The following ZNF329 variants were observed in gnomAD, a reference collection of about 807,000 sequenced individuals.
The protein encoded by ZNF329 is zinc finger protein 329.
Under a neutral mutation model 26.6 loss-of-function variants are expected in ZNF329, and 15 were observed. That is an observed-to-expected ratio of 0.56 (90% CI 0.38 to 0.87). The LOEUF (loss-of-function observed/expected upper bound fraction) is 0.87, where lower values mean the gene tolerates loss of function less well. Among genes scored for constraint, ZNF329 ranks in the 40% least tolerant of loss-of-function variants. The probability of loss-of-function intolerance (pLI) is 0.00; values close to 1 mark genes in which losing one functional copy is unlikely to be tolerated. For synonymous variants in ZNF329, 239 were observed against 233.5 expected (o/e 1.02, Z -0.21); for missense variants, 651 against 651.9 (o/e 1.00, Z 0.02).
chr19:58,152,339 G>C (rs1429736162), upstream of ZNF329, among the ~76,000 whole-genome samples: 1 of 151,472 alleles, frequency 6.6e-6, no homozygotes, highest in Non-Finnish European at 1.5e-5. Context: ...AGATGAGCCT[G>C]GCCAACATGG....
Position 58,128,885 on chromosome 19 carries a change from C to G in ZNF329, c.619G>C (p.Glu207Gln), listed in dbSNP as rs1397209868. The part of the protein sequence containing the change: ...LPGEKQYRCT[E>Q]CGKCFKRNSS... ...TTCCGTTTGAAGCATTTGCCACATT[C>G]AGTACATCTATATTGTTTCTCTCCA... The change falls in exon 4 of 4, where the codon GAA becomes CAA. Residue 207 changes from glutamate to glutamine, a missense_variant. By Grantham distance (29) the Glu-to-Gln change is conservative (BLOSUM62 2). Transcript: ENST00000598312. 6.2e-7 allele frequency: 1 copy of G among 1,614,068 alleles called. No homozygotes were observed. Among genetic ancestry groups the G allele is most frequent in the Non-Finnish European group, 8.5e-7 (1 of 1,179,982 alleles).
At chr19:58,153,654 G>A (rs2075495487), upstream of ZNF329, among the ~76,000 whole-genome samples, 2 of 152,106 alleles carry the variant, frequency 1.3e-5, no homozygotes, top group Admixed American at 1.3e-4. Flanking sequence ...TTTGTTCTTG[G>A]GGTAGGAGAC....
intron 3 of ZNF329, among the ~76,000 whole-genome samples, chr19:58,141,012 C>T (rs1418613059): frequency 6.6e-6 from 1 of 151,568 alleles, no homozygotes; most frequent in East Asian, 2.0e-4. Flanking sequence ...CACATGCCCC[C>T]ATGCCTGGCT....
intron 3 of ZNF329, among the ~76,000 whole-genome samples, chr19:58,140,128 A>C (rs1380067213): frequency 6.6e-6 from 1 of 152,174 alleles, no homozygotes; most frequent in Non-Finnish European, 1.5e-5. Context: ...GGTTTGGGTC[A>C]TGGAGGTGGA....
upstream of ZNF329, among the ~76,000 whole-genome samples, chr19:58,152,216 A>AT (rs2075467679): frequency 6.6e-6 from 1 of 152,112 alleles, no homozygotes. Context: ...AATGGAAAGT[A>AT]TTTTTTTAAT....
chr19:58,152,910 G>T (rs1194130564), upstream of ZNF329, among the ~76,000 whole-genome samples: 1 of 152,052 alleles, frequency 6.6e-6, no homozygotes, highest in East Asian at 1.9e-4. Flanking sequence ...ATATTAAGCA[G>T]ATGGGCTCAA....
At position 58,136,416 on chromosome 19, in the gene ZNF329, G is replaced by C. The variant is rs563996559; in HGVS notation, c.-9+6141C>G. The stretch of plus-strand genomic sequence containing the variant: ...AGGTCAGGCATGGTGGCTCACACCT[G>C]TAATCCCAGAACTTTTAGAGGCTGA... On this transcript the variant is annotated intron_variant, in intron 3 of 3. Transcript: ENST00000598312. Among the ~76,000 whole-genome samples the C allele has an allele frequency of 2.6e-5, 4 of 152,042 alleles. No individual in the cohort carries two copies. The East Asian group carries it at 7.7e-4, about 29-fold the overall frequency.
intron 3 of ZNF329, 66 bp from the exon 4 acceptor site, chr19:58,129,577 G>T: frequency 7.5e-7 from 1 of 1,334,540 alleles, no homozygotes; most frequent in Non-Finnish European, 1.0e-6. Flanking sequence ...AACAGACAAT[G>T]ATGATGGGCT....
chr19:58,151,214 G>A (rs1244017934), upstream of ZNF329, among the ~76,000 whole-genome samples: 1 of 152,132 alleles, frequency 6.6e-6, no homozygotes, highest in Non-Finnish European at 1.5e-5. Flanking sequence ...ACTTTCCTCT[G>A]TAGTAACAAT....
chr19:58,131,820 G>A (rs1396693264), intron 3 of ZNF329, among the ~76,000 whole-genome samples: 4 of 151,908 alleles, frequency 2.6e-5, no homozygotes, highest in East Asian at 2.0e-4. Context: ...TCAGGAGATC[G>A]AGACCATCCT....
intron 3 of ZNF329, among the ~76,000 whole-genome samples, chr19:58,131,040 G>C (rs141128984): frequency 8.5e-5 from 13 of 152,084 alleles, no homozygotes; most frequent in African/African-American, 3.1e-4. Context: ...AATGAAAATA[G>C]ACCCTTGCCT....
chr19:58,147,548 GGGGGTC>G (rs2075347860), intron 1 of ZNF329, among the ~76,000 whole-genome samples: 1 of 143,276 alleles, frequency 7.0e-6, no homozygotes, highest in South Asian at 2.2e-4. Context: ...AGGGAGGTGG[GGGGGTC>G]AGCCCCCCGC....
chr19:58,129,551 C>A lies in ZNF329; in HGVS notation c.-8-40G>T, dbSNP rs145043555. On this transcript the variant is annotated intron_variant, in intron 3 of 3. Transcript: ENST00000598312. ...AAAATGCAGACTTAGGTATATGAAG[C>A]TTTATCTGTAAGAGAAACAGACAAT... is the stretch of plus-strand genomic sequence containing the variant. 85 of 1,499,738 alleles carry A rather than the reference C, an allele frequency of 5.7e-5. No individual in the cohort carries two copies. In the African/African-American group the frequency reaches 1.0e-3, roughly 18 times the overall value. The allele number at this position is 1,499,738 out of a possible 1,614,324, so 92.9% of individuals were successfully genotyped here. A position where few individuals can be genotyped will look rare whatever the true frequency, so the allele number is the denominator to read the frequency against.
At chr19:58,145,213 C>G (rs2075280790) in intron 1 of ZNF329, among the ~76,000 whole-genome samples, 1 of 151,222 alleles carries the variant, frequency 6.6e-6, no homozygotes. Context: ...TGGTTTCAAA[C>G]TCCTGAGCTC....
intron 1 of ZNF329, among the ~76,000 whole-genome samples, 200 bp from the exon 2 acceptor site, chr19:58,143,398 C>A (rs2146110529): frequency 6.6e-6 from 1 of 152,214 alleles, no homozygotes; most frequent in South Asian, 2.1e-4. Flanking sequence ...CCAAGCAAAT[C>A]TCTGGAATAA....
At chr19:58,144,399 T>A (rs1205066591) in intron 1 of ZNF329, among the ~76,000 whole-genome samples, 50 of 150,232 alleles carry the variant, frequency 3.3e-4, no homozygotes, top group South Asian at 4.2e-4. Flanking sequence ...TATATATATT[T>A]TTTTTTTGAG....
At position 58,137,991 on chromosome 19, in the gene ZNF329, A is replaced by C. The variant is rs142240386; in HGVS notation, c.-9+4566T>G. ...AAGACCCTGTCTCAATAAATAAATAAAATTTTTTAAAAAGCAAAAATGAAC... is the reference window on the plus strand; with the variant it reads ...AAGACCCTGTCTCAATAAATAAATACAATTTTTTAAAAAGCAAAAATGAAC... On this transcript the variant is annotated intron_variant, in intron 3 of 3. Coordinates refer to ENST00000598312, the MANE Select transcript of ZNF329 (RefSeq NM_024620.4). Among the ~76,000 whole-genome samples, 413 of 152,160 alleles carry C rather than the reference A, an allele frequency of 2.7e-3. 3 individuals carry two copies. The highest frequency in any genetic ancestry group is 9.3e-3 in the African/African-American group (386 of 41,512).
chr19:58,151,640 G>T (rs1390982817), upstream of ZNF329, among the ~76,000 whole-genome samples: 1 of 143,578 alleles, frequency 7.0e-6, no homozygotes, highest in African/African-American at 2.5e-5. Context: ...TTATATACAA[G>T]ATAGACAGTT....
At chr19:58,147,227 T>A (rs1314577788) in intron 1 of ZNF329, among the ~76,000 whole-genome samples, 1 of 138,996 alleles carries the variant, frequency 7.2e-6, no homozygotes, top group Non-Finnish European at 1.5e-5. Flanking sequence ...GTGAGGAGCG[T>A]CTCTGCCCAG....
Sources: gnomAD v4.1 joint callset for allele counts (sites outside exome capture counted in the v4.1 genomes callset) on GRCh38, gnomAD v4.1.1 for gene constraint, MANE v1.5 for transcripts, NCBI Gene and HGNC (gene_info 2026-07-23, HGNC 2026-07-21) for gene names.